The following AFG2A variants were observed in gnomAD, a reference collection of about 807,000 sequenced individuals.
AFG2A encodes the protein AAA ATPase AFG2A.
chr4:123,137,678 A>G, the AFG2A span, among the ~76,000 whole-genome samples: 1 of 152,142 alleles, frequency 6.6e-6, no homozygotes, highest in East Asian at 1.9e-4. Flanking sequence ...TGTTTATACC[A>G]TTTAGTATAA....
chr4:122,929,339 A>G, the AFG2A span: 1 of 922,908 alleles, frequency 1.1e-6, no homozygotes, highest in Non-Finnish European at 1.5e-6. Context: ...AATGAATTAC[A>G]ATAGTATGTT....
the AFG2A span, among the ~76,000 whole-genome samples, chr4:123,249,048 T>A: frequency 1.3e-5 from 2 of 152,210 alleles, no homozygotes; most frequent in Non-Finnish European, 2.9e-5. Context: ...CTAATAAGTT[T>A]TTGAGCTAGA....
chr4:123,250,277 C>T, the AFG2A span, among the ~76,000 whole-genome samples: 1 of 152,138 alleles, frequency 6.6e-6, no homozygotes, highest in South Asian at 2.1e-4. Flanking sequence ...AAGACTCCTT[C>T]ATGTGAAATA....
At chr4:123,040,707 T>G in the AFG2A span, among the ~76,000 whole-genome samples, 11 of 152,334 alleles carry the variant, frequency 7.2e-5, no homozygotes, top group African/African-American at 2.6e-4. Flanking sequence ...TGAGAACATT[T>G]TGCCTCAGCA....
chr4:123,130,968 A>G, the AFG2A span, among the ~76,000 whole-genome samples: 5 of 151,750 alleles, frequency 3.3e-5, no homozygotes, highest in Admixed American at 2.6e-4. Context: ...TGTTAGTTAT[A>G]TAGTATTATC....
the AFG2A span, among the ~76,000 whole-genome samples, chr4:123,221,137 G>A: frequency 6.6e-6 from 1 of 151,992 alleles, no homozygotes; most frequent in Non-Finnish European, 1.5e-5. Flanking sequence ...TTTTCCAAAT[G>A]GAGATGTGAG....
At chr4:123,095,030 C>CAAAAAAAAA in the AFG2A span, among the ~76,000 whole-genome samples, 24 of 35,310 alleles carry the variant, frequency 6.8e-4, no homozygotes, top group Non-Finnish European at 1.4e-3. Flanking sequence ...TCCCTCCCCA[C>CAAAAAAAAA]AAAAAAAAAA....
chr4:123,124,469 C>T, the AFG2A span, among the ~76,000 whole-genome samples: 3 of 152,094 alleles, frequency 2.0e-5, no homozygotes, highest in African/African-American at 2.4e-5. Context: ...AGGGGAACAT[C>T]ACATACCAGG....
chr4:123,064,884 C>A, the AFG2A span, among the ~76,000 whole-genome samples: 138 of 152,196 alleles, frequency 9.1e-4, no homozygotes, highest in Non-Finnish European at 1.8e-3. Flanking sequence ...TAATGTGACT[C>A]CTTTTGTTTG....
At chr4:123,084,614 G>GTGTA in the AFG2A span, among the ~76,000 whole-genome samples, 3,041 of 148,610 alleles carry the variant, frequency 0.02, 47 homozygotes, top group African/African-American at 0.039. Flanking sequence ...GTGTGTGTGT[G>GTGTA]TATATATATA....
the AFG2A span, among the ~76,000 whole-genome samples, chr4:123,304,007 G>C: frequency 6.6e-6 from 1 of 151,824 alleles, no homozygotes; most frequent in Non-Finnish European, 1.5e-5. Flanking sequence ...CCTTAAATCT[G>C]AAATCTGTCC....
chr4:123,058,741 AAC>A, the AFG2A span, among the ~76,000 whole-genome samples: 56 of 50,374 alleles, frequency 1.1e-3, no homozygotes, highest in African/African-American at 1.8e-3. Flanking sequence ...TCCCTCCCAC[AAC>A]ATGTGGGAAT....
the AFG2A span, among the ~76,000 whole-genome samples, chr4:123,044,457 G>A: frequency 6.6e-6 from 1 of 152,022 alleles, no homozygotes; most frequent in African/African-American, 2.4e-5. Flanking sequence ...TTTTCATAAA[G>A]CATCAATAGT....
the AFG2A span, among the ~76,000 whole-genome samples, chr4:123,273,828 A>G: frequency 6.6e-6 from 1 of 152,170 alleles, no homozygotes; most frequent in African/African-American, 2.4e-5. Flanking sequence ...ATAACTTATT[A>G]TGTATATGCA....
At chr4:123,193,873 T>C in the AFG2A span, among the ~76,000 whole-genome samples, 1 of 152,188 alleles carries the variant, frequency 6.6e-6, no homozygotes, top group African/African-American at 2.4e-5. Flanking sequence ...TAAATCATTC[T>C]TGAAAACAGA....
the AFG2A span, among the ~76,000 whole-genome samples, chr4:123,003,397 C>T: frequency 6.6e-6 from 1 of 152,132 alleles, no homozygotes; most frequent in Non-Finnish European, 1.5e-5. Flanking sequence ...TTTAGAGTTT[C>T]CAGTTTTTCT....
the AFG2A span, among the ~76,000 whole-genome samples, chr4:123,190,904 T>A: frequency 6.6e-6 from 1 of 152,178 alleles, no homozygotes; most frequent in African/African-American, 2.4e-5. Context: ...ACAGAGGGGC[T>A]CCATCTATTT....
the AFG2A span, among the ~76,000 whole-genome samples, chr4:123,165,720 G>A: frequency 6.6e-6 from 1 of 151,890 alleles, no homozygotes; most frequent in South Asian, 2.1e-4. Context: ...ATGATATCCT[G>A]CTCTGAAAAT....
At chr4:123,142,891 G>A in the AFG2A span, among the ~76,000 whole-genome samples, 3 of 152,080 alleles carry the variant, frequency 2.0e-5, no homozygotes, top group Non-Finnish European at 4.4e-5. Context: ...TTGTTGTAAA[G>A]TGAGGCCTTG....
Sources: allele counts gnomAD v4.1 joint callset (sites outside exome capture counted in the v4.1 genomes callset), GRCh38; gene constraint gnomAD v4.1.1; transcripts MANE v1.5; gene names NCBI Gene and HGNC (gene_info 2026-07-23, HGNC 2026-07-21).